Variants in SUPT20H observed in about 807,000 individuals in gnomAD.
SUPT20H encodes the protein SPT20 homolog, SAGA complex component.
Under a neutral mutation model 122.8 loss-of-function variants are expected in SUPT20H, and 82 were observed. That is an observed-to-expected ratio of 0.67 (90% CI 0.56 to 0.80). SUPT20H has a LOEUF of 0.80. SUPT20H is among the 30% of genes least tolerant of loss of function. The pLI, the probability that SUPT20H is intolerant of heterozygous loss-of-function variation, is 0.00. For missense variants in SUPT20H, 831 were observed against 921.6 expected, an observed-to-expected ratio of 0.90 and a Z score of 1.27; for synonymous variants, 291 against 313.0, an observed-to-expected ratio of 0.93 and a Z score of 0.74.
intron 23 of SUPT20H, among the ~76,000 whole-genome samples, chr13:37,015,341 CCAAA>C (rs1429955977): frequency 2.0e-5 from 3 of 150,788 alleles, no homozygotes; most frequent in East Asian, 1.9e-4. Context: ...GGCAAGGGAC[CCAAA>C]CAGACTTTTC....
intron 2 of SUPT20H, among the ~76,000 whole-genome samples, chr13:37,049,016 G>A (rs193157297): frequency 3.9e-5 from 6 of 152,092 alleles, no homozygotes; most frequent in African/African-American, 1.4e-4. Flanking sequence ...GGTTGTACTG[G>A]CACTTAACAT....
chr13:37,018,700 A>C (rs1290003123), intron 22 of SUPT20H, among the ~76,000 whole-genome samples: 1 of 152,150 alleles, frequency 6.6e-6, no homozygotes, highest in Non-Finnish European at 1.5e-5. Context: ...TCTGTTGCCT[A>C]GGCTGGAATG....
At chr13:37,016,291 G>A (rs866535132) in intron 23 of SUPT20H, among the ~76,000 whole-genome samples, 10 of 151,998 alleles carry the variant, frequency 6.6e-5, no homozygotes, top group African/African-American at 2.4e-4. Context: ...TTAGTCGGGC[G>A]TGGTGGCACA....
chr13:37,050,862 G>A (rs980875129), intron 2 of SUPT20H, among the ~76,000 whole-genome samples: 2 of 152,176 alleles, frequency 1.3e-5, no homozygotes, highest in African/African-American at 4.8e-5. Context: ...AGTTTGTGAC[G>A]CAGAATAGGG....
chr13:37,030,603 C>T (rs1361411557), intron 12 of SUPT20H, among the ~76,000 whole-genome samples: 2 of 152,174 alleles, frequency 1.3e-5, no homozygotes, highest in Non-Finnish European at 2.9e-5. Flanking sequence ...CCCAGCATCA[C>T]ATAACCTAGG....
intron 4 of SUPT20H, 88 bp downstream of exon 4, chr13:37,047,790 C>G: frequency 7.3e-7 from 1 of 1,361,288 alleles, no homozygotes. Flanking sequence ...TATAAAATTT[C>G]TAGCTCAGTC....
chr13:37,022,174 A>G lies in SUPT20H; in HGVS notation c.1592-94T>C, dbSNP rs1216914966. 2 of 1,613,208 alleles carry G rather than the reference A, an allele frequency of 1.2e-6. No individual in the cohort carries two copies. Among genetic ancestry groups the G allele is most frequent in the South Asian group, 2.2e-5 (2 of 91,002 alleles). ...CTTTGCTGCTGAGCAAACTGAGTTA[A>G]CAAAGTGGGCTGAGGGGTGAAGCCT... On this transcript the variant is annotated intron_variant, in intron 19 of 25. Transcript: ENST00000350612. This position sits in a 1 kb window ranked among gnomAD's most constrained non-coding sequence, Gnocchi z 4.5.
intron 22 of SUPT20H, 74 bp downstream of exon 22, chr13:37,019,268 C>T (rs2061070850): frequency 9.0e-7 from 1 of 1,105,930 alleles, no homozygotes; most frequent in South Asian, 1.5e-5. Flanking sequence ...AGTGCTGATA[C>T]ATATAGATAT....
At chr13:37,012,330 G>A in intron 23 of SUPT20H, 33 bp from the exon 24 acceptor site, 1 of 1,564,970 alleles carries the variant, frequency 6.4e-7, no homozygotes, top group Non-Finnish European at 8.7e-7. Flanking sequence ...ACTTGTACAA[G>A]AAAGAAAAAC....
chr13:37,044,164 G>A lies in SUPT20H; in HGVS notation c.310C>T (p.Leu104=), dbSNP rs2138818129. 5.6e-6 allele frequency: 9 copies of A among 1,611,722 alleles called. No homozygotes were observed. The highest frequency in any genetic ancestry group is 7.6e-6 in the Non-Finnish European group (9 of 1,178,878). Residue 104 remains leucine, a synonymous_variant, in exon 7 of 26, where the codon CTG becomes TTG. Coordinates refer to ENST00000350612, the MANE Select transcript of SUPT20H (RefSeq NM_001014286.3). ...AGCAACTCTCCTTCTTCATAGGGCA[G>A]TCGAATGGTCTCGGAATCTTAATTT... ...KNGSDSETIR[L]PYEEGELLEY... is the part of the protein sequence containing the mutation.
intron 16 of SUPT20H, 35 bp downstream of exon 16, chr13:37,026,169 A>C (rs2062227504): frequency 6.4e-7 from 1 of 1,558,168 alleles, no homozygotes; most frequent in Middle Eastern, 1.7e-4. Context: ...TTTCATATCC[A>C]TCCTGACCAA....
Position 37,026,187 on chromosome 13 carries a change from G to T in SUPT20H, c.1211+17C>A, listed in dbSNP as rs1206332193. 7 of 1,557,782 alleles carry T rather than the reference G, an allele frequency of 4.5e-6. No individual in the cohort carries two copies. Among genetic ancestry groups the T allele is most frequent in the Non-Finnish European group, 6.0e-6 (7 of 1,159,438 alleles). On this transcript the variant is annotated intron_variant, in intron 16 of 25. Coordinates refer to ENST00000350612, the MANE Select transcript of SUPT20H (RefSeq NM_001014286.3). The stretch of plus-strand genomic sequence containing the variant: ...CATATCCATCCTGACCAAAATAAGA[G>T]ATGCAAATATTTTTACCTCTCAGCA...
At position 37,047,892 on chromosome 13, in the gene SUPT20H, G is replaced by GT; in HGVS notation, c.83dup (p.Tyr28Ter). The change falls in exon 4 of 26, where the codon TAC becomes TAAC. Residue 28 changes from tyrosine (Y) to a stop codon, truncating the protein, a stop_gained and frameshift_variant. Coordinates refer to ENST00000350612, the MANE Select transcript of SUPT20H (RefSeq NM_001014286.3). LOFTEE classifies it high-confidence loss of function. ...SARQRPPKRK[Y>*]LSSGRKSVFQ... ...ATTATTCATACCTTCCACTTGATAG[G>GT]TATTTCCTTTTAGGAGGTCTCTGTC... 1 of 1,604,422 alleles carries GT rather than the reference G, an allele frequency of 6.2e-7. No homozygotes were observed. Among genetic ancestry groups the GT allele is most frequent in the Non-Finnish European group, 8.5e-7 (1 of 1,175,268 alleles).
chr13:37,014,851 A>G (rs1183227881), intron 23 of SUPT20H, among the ~76,000 whole-genome samples: 1 of 152,238 alleles, frequency 6.6e-6, no homozygotes, highest in Admixed American at 6.5e-5. Flanking sequence ...AAAAGGATCC[A>G]CAGGAAAAAC....
intron 7 of SUPT20H, among the ~76,000 whole-genome samples, chr13:37,043,525 G>A (rs2065872148): frequency 6.6e-6 from 1 of 152,096 alleles, no homozygotes; most frequent in Non-Finnish European, 1.5e-5. Flanking sequence ...ATTTCCAATT[G>A]ATGAGCTAAT....
intron 1 of SUPT20H, among the ~76,000 whole-genome samples, chr13:37,058,666 C>T (rs2069812067): frequency 6.6e-6 from 1 of 152,166 alleles, no homozygotes; most frequent in Non-Finnish European, 1.5e-5. Context: ...CAGAATAAGG[C>T]AATCAGAACA....
At position 37,022,648 on chromosome 13, in the gene SUPT20H, TA is replaced by T. The variant is rs1411915618; in HGVS notation, c.1592-569del. On this transcript the variant is annotated intron_variant, in intron 19 of 25. Transcript: ENST00000350612. This position sits in a 1 kb window ranked among gnomAD's most constrained non-coding sequence, Gnocchi z 4.5. Reference sequence around the variant, plus strand: ...TAAAAAGTTCAAAACGAATTCAAATTAATTTGTTATTTACGATTTCACTAAT... The same window carrying T: ...TAAAAAGTTCAAAACGAATTCAAATTATTTGTTATTTACGATTTCACTAAT... 3.9e-6 allele frequency: 4 copies of T among 1,030,020 alleles called. No individual in the cohort carries two copies. The African/African-American group carries it at 6.8e-5, about 17-fold the overall frequency. The allele number at this position is 1,030,020 out of a possible 1,614,324, so 63.8% of individuals were successfully genotyped here. A position where few individuals can be genotyped will look rare whatever the true frequency, so the allele number is the denominator to read the frequency against.
intron 1 of SUPT20H, among the ~76,000 whole-genome samples, chr13:37,054,532 T>C (rs1002932156): frequency 6.6e-6 from 1 of 152,186 alleles, no homozygotes; most frequent in Non-Finnish European, 1.5e-5. Context: ...ATTATCTCAA[T>C]AGATGCAGAA....
At chr13:37,042,586 C>T (rs140425536) in intron 7 of SUPT20H, among the ~76,000 whole-genome samples, 2 of 152,204 alleles carry the variant, frequency 1.3e-5, no homozygotes, top group East Asian at 1.9e-4. Flanking sequence ...TCAAGCAGGA[C>T]GCAGTTATAT....
Sources: allele counts gnomAD v4.1 joint callset (sites outside exome capture counted in the v4.1 genomes callset), GRCh38; gene constraint gnomAD v4.1.1; non-coding constraint Gnocchi (gnomAD v3.1); transcripts MANE v1.5; gene names NCBI Gene and HGNC (gene_info 2026-07-23, HGNC 2026-07-21).